Variants in RAB5B observed in about 807,000 individuals in gnomAD.
RAB5B encodes the protein ras-related protein Rab-5B.
RAB5B carries 11 observed loss-of-function variants against 28.6 expected under a neutral mutation model. That is an observed-to-expected ratio of 0.38 (90% confidence interval 0.24 to 0.64). RAB5B has a LOEUF of 0.64. Ranked by LOEUF, RAB5B falls within the 30% of genes least tolerant of loss-of-function variation. The pLI is 0.53. For synonymous variants in RAB5B, 93 were observed against 97.9 expected (o/e 0.95, Z 0.29); for missense variants, 169 against 265.6 (o/e 0.64, Z 2.53).
At chr12:55,974,779 C>T (rs934606751) in intron 1 of RAB5B, among the ~76,000 whole-genome samples, 10 of 152,078 alleles carry the variant, frequency 6.6e-5, no homozygotes, top group African/African-American at 2.2e-4. Flanking sequence ...GGCCTGGTAT[C>T]AGTTATGGGA....
At chr12:55,984,321 C>G (rs149617622) in intron 1 of RAB5B, among the ~76,000 whole-genome samples, 11,701 of 152,112 alleles carry the variant, frequency 0.077, 1,498 homozygotes, top group African/African-American at 0.27. Context: ...TCCCAAGTAG[C>G]TGGGACTACA....
In RAB5B at chr12:55,990,544, A is replaced by T. The variant is rs1592806963; in HGVS notation, c.316-138A>T. On this transcript the variant is annotated intron_variant, in intron 3 of 5. Coordinates refer to ENST00000360299, the MANE Select transcript of RAB5B (RefSeq NM_002868.4). ...ATGCTTCCAAGTGCTAAGAAGACAG[A>T]TAATGAATTATCAGAGACCTGTGGT... 5.2e-6 allele frequency: 6 copies of T among 1,157,212 alleles called. No homozygotes were observed. In the East Asian group the frequency reaches 1.2e-4, roughly 23 times the overall value. The allele number at this position is 1,157,212 out of a possible 1,614,324, so 71.7% of individuals were successfully genotyped here.
chr12:55,987,993 C>T lies in RAB5B; in HGVS notation c.163+870C>T, dbSNP rs1292447473. Among the ~76,000 whole-genome samples the T allele has an allele frequency of 2.0e-5, 3 of 152,116 alleles. No individual in the cohort carries two copies. In the East Asian group the frequency reaches 5.8e-4, roughly 29 times the overall value. Reference sequence around the variant, plus strand: ...GAAATCCCCGTCTCTACTAAAAATACAAAAAATTAGCTGGGCGTGGTGGCA... The same window carrying T: ...GAAATCCCCGTCTCTACTAAAAATATAAAAAATTAGCTGGGCGTGGTGGCA... On this transcript the variant is annotated intron_variant, in intron 2 of 5. Coordinates refer to ENST00000360299, the MANE Select transcript of RAB5B (RefSeq NM_002868.4).
Position 55,996,003 on chromosome 12 carries a change from A to ATTTTTTTTTTTTTTTTT in RAB5B, c.*3801_*3802insTTTTTTTTTTTTTTTTT, listed in dbSNP as rs56291639. The ATTTTTTTTTTTTTTTTT allele has an allele frequency of 5.1e-5, 5 of 97,382 alleles. No individual in the cohort carries two copies. The highest frequency in any genetic ancestry group is 2.1e-4 in the Admixed American group (2 of 9,312). The allele number at this position is 97,382 out of a possible 1,614,324, so 6.0% of individuals were successfully genotyped here. A position where few individuals can be genotyped will look rare whatever the true frequency, so the allele number is the denominator to read the frequency against. ...TATATACATATATATATATATATAT[A>ATTTTTTTTTTTTTTTTT]TTTTTTTTTTAACAACTGGTAGGAT... On this transcript the variant is annotated 3_prime_UTR_variant, in exon 6 of 6. Coordinates refer to ENST00000360299, the MANE Select transcript of RAB5B (RefSeq NM_002868.4).
intron 1 of RAB5B, chr12:55,980,401 T>C: frequency 6.5e-7 from 1 of 1,540,900 alleles, no homozygotes; most frequent in South Asian, 1.1e-5. Context: ...GCTTCCGGGG[T>C]GGGGAGGCAA....
intron 3 of RAB5B, 139 bp from the exon 4 acceptor site, chr12:55,990,543 G>T: frequency 8.6e-7 from 1 of 1,164,060 alleles, no homozygotes; most frequent in Non-Finnish European, 1.2e-6. Context: ...TAAGAAGACA[G>T]ATAATGAATT....
intron 1 of RAB5B, among the ~76,000 whole-genome samples, chr12:55,978,127 A>G (rs1889695691): frequency 6.6e-6 from 1 of 152,226 alleles, no homozygotes; most frequent in South Asian, 2.1e-4. Context: ...CTTGTGGGCA[A>G]GATCCCAAGG....
intron 5 of RAB5B, 146 bp downstream of exon 5, chr12:55,991,599 TC>T: frequency 1.6e-6 from 1 of 622,626 alleles, no homozygotes; most frequent in Non-Finnish European, 2.9e-6. Context: ...ATGACCTCCA[TC>T]CTTGGCTGCA....
intron 3 of RAB5B, 102 bp from the exon 4 acceptor site, chr12:55,990,580 G>A (rs1398781460): frequency 7.0e-7 from 1 of 1,431,450 alleles, no homozygotes; most frequent in Non-Finnish European, 9.6e-7. Flanking sequence ...TTCACTGAGG[G>A]AAGACCACCT....
chr12:55,990,633 A>G (rs1183928707), intron 3 of RAB5B, 49 bp from the exon 4 acceptor site: 1 of 1,606,318 alleles, frequency 6.2e-7, no homozygotes. Context: ...GGTGATGGAT[A>G]TGGATTGGCA....
At chr12:55,980,804 T>C (rs1268795419) in intron 1 of RAB5B, 2 of 1,579,364 alleles carry the variant, frequency 1.3e-6, no homozygotes, top group East Asian at 2.2e-5. Context: ...TCCACGGTAG[T>C]AGGCAGTAGT....
At chr12:55,981,383 T>C (rs1889804295) in intron 1 of RAB5B, among the ~76,000 whole-genome samples, 1 of 152,112 alleles carries the variant, frequency 6.6e-6, no homozygotes, top group African/African-American at 2.4e-5. Flanking sequence ...TAATTGTATG[T>C]GTCTCGGTTT....
intron 2 of RAB5B, 121 bp downstream of exon 2, chr12:55,987,244 T>G: frequency 1.0e-6 from 1 of 974,560 alleles, no homozygotes; most frequent in Non-Finnish European, 1.5e-6. Context: ...TACTGCAACC[T>G]CTGTCTCCCA....
intron 4 of RAB5B, 107 bp downstream of exon 4, chr12:55,990,911 TCATTCCC>T: frequency 2.9e-6 from 4 of 1,392,166 alleles, no homozygotes; most frequent in Non-Finnish European, 4.0e-6. Flanking sequence ...ATTCATTGTC[TCATTCCC>T]CAGTTCTACA....
intron 1 of RAB5B, chr12:55,980,929 G>T (rs988636536): frequency 3.7e-6 from 6 of 1,613,240 alleles, no homozygotes; most frequent in African/African-American, 1.3e-5. Context: ...AGATGTAAGT[G>T]TTGTTGAAGT....
At chr12:55,991,184 G>C (rs1890106342) in intron 4 of RAB5B, 176 bp from the exon 5 acceptor site, 1 of 583,894 alleles carries the variant, frequency 1.7e-6, no homozygotes, top group Admixed American at 3.0e-5. Context: ...GTGGACATGG[G>C]GTCATCTTGA....
rs1488952067 is a variant in RAB5B, at chr12:55,994,828, C to T, written c.*2616C>T. 4 of 152,092 alleles carry T rather than the reference C, an allele frequency of 2.6e-5. No individual in the cohort carries two copies. Among genetic ancestry groups the T allele is most frequent in the African/African-American group, 4.8e-5 (2 of 41,384 alleles). The allele number at this position is 152,092 out of a possible 1,614,324, so 9.4% of individuals were successfully genotyped here. A position where few individuals can be genotyped will look rare whatever the true frequency, so the allele number is the denominator to read the frequency against. ...GTAATGTTCTACTGAATCAGAAACA[C>T]ACCTTTCCCTGCATCTTGATACATC... On this transcript the variant is annotated 3_prime_UTR_variant, in exon 6 of 6. Coordinates refer to ENST00000360299, the MANE Select transcript of RAB5B (RefSeq NM_002868.4).
chr12:55,992,783 G>T lies in RAB5B; in HGVS notation c.*571G>T, dbSNP rs997058434. 2 of 299,322 alleles carry T rather than the reference G, an allele frequency of 6.7e-6. No homozygotes were observed. The highest frequency in any genetic ancestry group is 1.3e-5 in the Non-Finnish European group (2 of 158,680). The allele number at this position is 299,322 out of a possible 1,614,324, so 18.5% of individuals were successfully genotyped here. On this transcript the variant is annotated 3_prime_UTR_variant, in exon 6 of 6. Transcript: ENST00000360299. The stretch of plus-strand genomic sequence containing the variant: ...TATTTGGTTGGAGTTTCTCATATTT[G>T]AAAACATTGCGGTATCCATGATTTG...
intron 3 of RAB5B, 106 bp from the exon 4 acceptor site, chr12:55,990,576 G>A: frequency 9.2e-6 from 13 of 1,406,352 alleles, no homozygotes; most frequent in Non-Finnish European, 1.2e-5. Context: ...TGGTTTCACT[G>A]AGGGAAGACC....
Sources: allele counts gnomAD v4.1 joint callset (sites outside exome capture counted in the v4.1 genomes callset), GRCh38; gene constraint gnomAD v4.1.1; transcripts MANE v1.5; gene names NCBI Gene and HGNC (gene_info 2026-07-23, HGNC 2026-07-21).